CLPTM1: variants seen among roughly 807,000 people sequenced by gnomAD.
The protein encoded by CLPTM1 is putative lipid scramblase CLPTM1.
A neutral mutation model predicts 77.3 loss-of-function variants in CLPTM1; 21 were observed. The observed-to-expected ratio is 0.27, with a 90% CI of 0.19 to 0.39. CLPTM1 has a LOEUF of 0.39. Among genes scored for constraint, CLPTM1 ranks in the 10% least tolerant of loss-of-function variants. The probability of loss-of-function intolerance (pLI) is 1.00; values close to 1 mark genes in which losing one functional copy is unlikely to be tolerated. For missense variants in CLPTM1, 642 were observed against 921.2 expected (o/e 0.70, Z 3.92); for synonymous variants, 373 against 381.0 (o/e 0.98, Z 0.24).
chr19:44,977,133 C>A (rs146162237), intron 4 of CLPTM1, among the ~76,000 whole-genome samples: 3 of 152,132 alleles, frequency 2.0e-5, no homozygotes, highest in Non-Finnish European at 4.4e-5. Context: ...TGAGCTCACA[C>A]GGCCATGGCA....
chr19:44,963,207 C>CAA lies in CLPTM1; in HGVS notation c.185+1152_185+1153dup, dbSNP rs778157562. Among the ~76,000 whole-genome samples the CAA allele has an allele frequency of 6.7e-3, 195 of 29,002 alleles. 3 individuals are homozygous for CAA. Among genetic ancestry groups the CAA allele is most frequent in the African/African-American group, 9.3e-3 (58 of 6,256 alleles). 19.0% of individuals were successfully genotyped at this position (29,002 alleles called of 152,430 possible). A position where few individuals can be genotyped will look rare whatever the true frequency, so the allele number is the denominator to read the frequency against. On this transcript the variant is annotated intron_variant, in intron 2 of 13. Transcript: ENST00000337392. ...CTGGGGACAGAGTGAGACTCCATCTCAAAAAAAAAAAAAAAAAAAAAGCCA... is the reference window on the plus strand; with the variant it reads ...CTGGGGACAGAGTGAGACTCCATCTCAAAAAAAAAAAAAAAAAAAAAAAGCCA...
At chr19:44,971,509 A>G (rs1970717487) in intron 2 of CLPTM1, among the ~76,000 whole-genome samples, 1 of 152,162 alleles carries the variant, frequency 6.6e-6, no homozygotes, top group Non-Finnish European at 1.5e-5. Flanking sequence ...TGCTCTTTCT[A>G]AGCTTCTGTG....
At chr19:44,955,369 GC>G, upstream of CLPTM1, 1 of 1,274,218 alleles carries the variant, frequency 7.8e-7, no homozygotes, top group Non-Finnish European at 1.0e-6. Context: ...GGGGCTGGCG[GC>G]GGGGGCGGGG....
At chr19:44,967,471 C>T (rs1169302157) in intron 2 of CLPTM1, among the ~76,000 whole-genome samples, 1 of 152,012 alleles carries the variant, frequency 6.6e-6, no homozygotes, top group African/African-American at 2.4e-5. Flanking sequence ...CCAGCCTGAC[C>T]AACATGGAGA....
upstream of CLPTM1, chr19:44,955,376 C>CGGGGGGGGG: frequency 9.5e-6 from 6 of 631,182 alleles, no homozygotes; most frequent in Non-Finnish European, 1.2e-5. Flanking sequence ...GCGGCGGGGG[C>CGGGGGGGGG]GGGGACCCGG....
intron 5 of CLPTM1, among the ~76,000 whole-genome samples, chr19:44,978,666 C>T (rs1970843980): frequency 6.6e-6 from 1 of 152,104 alleles, no homozygotes; most frequent in Non-Finnish European, 1.5e-5. Flanking sequence ...ATAAGACTAC[C>T]ACTTCTACTC....
chr19:44,987,135 C>T, intron 7 of CLPTM1, 44 bp from the exon 8 acceptor site: 1 of 1,578,112 alleles, frequency 6.3e-7, no homozygotes, highest in South Asian at 1.2e-5. Context: ...GGTACCCTGG[C>T]CTCCTGCCCG....
intron 2 of CLPTM1, among the ~76,000 whole-genome samples, chr19:44,967,511 G>T (rs920118158): frequency 3.3e-5 from 5 of 152,066 alleles, no homozygotes; most frequent in Admixed American, 1.3e-4. Context: ...TACAAAATTA[G>T]CCGGGCATGG....
upstream of CLPTM1, chr19:44,955,331 G>C (rs891048355): frequency 3.5e-6 from 4 of 1,148,992 alleles, no homozygotes; most frequent in Non-Finnish European, 4.4e-6. Flanking sequence ...AATCTCGCGC[G>C]ATTGCGCTGC....
intron 1 of CLPTM1, among the ~76,000 whole-genome samples, chr19:44,957,662 CTG>C (rs1176301863): frequency 6.6e-6 from 1 of 152,216 alleles, no homozygotes; most frequent in Non-Finnish European, 1.5e-5. Flanking sequence ...AGAGCAGGAA[CTG>C]TGTCTTAGTC....
At position 44,992,839 on chromosome 19, in the gene CLPTM1, C is replaced by T; in HGVS notation, c.1952C>T (p.Ser651Phe). The T allele has an allele frequency of 6.2e-7, 1 of 1,613,808 alleles. No individual in the cohort carries two copies. The highest frequency in any genetic ancestry group is 8.5e-7 in the Non-Finnish European group (1 of 1,179,896). ...ACCAAGCCCACCCAGGGGGCCAGCT[C>T]TGCCAGCGAGCCCCAGGAAGCCCCT... Reference protein sequence around the residue: ...LPTKPTQGASSASEPQEAPPK... With the variant: ...LPTKPTQGASFASEPQEAPPK... The change falls in exon 14 of 14, where the codon TCT becomes TTT. Residue 651 changes from serine (S) to phenylalanine (F), a missense_variant. Ser to Phe is a radical substitution (Grantham distance 155). Transcript: ENST00000337392. This position sits in a 1 kb window ranked among gnomAD's most constrained non-coding sequence, Gnocchi z 7.7.
At chr19:44,980,957 C>T (rs999913476) in intron 5 of CLPTM1, among the ~76,000 whole-genome samples, 6 of 151,850 alleles carry the variant, frequency 4.0e-5, no homozygotes, top group African/African-American at 1.4e-4. Context: ...CCTGCCTCAG[C>T]CTCCTGAGTA....
intron 2 of CLPTM1, among the ~76,000 whole-genome samples, chr19:44,967,162 C>A (rs1970645866): frequency 6.6e-6 from 1 of 150,768 alleles, no homozygotes; most frequent in South Asian, 2.2e-4. Flanking sequence ...CTGTAAAAAA[C>A]TAAAAAATTA....
intron 5 of CLPTM1, among the ~76,000 whole-genome samples, chr19:44,980,872 C>G (rs1970884856): frequency 6.6e-6 from 1 of 151,376 alleles, no homozygotes; most frequent in Non-Finnish European, 1.5e-5. Flanking sequence ...AAGTCTTGCT[C>G]TGTTGCCCAG....
At chr19:44,959,136 T>C (rs1433846936) in intron 1 of CLPTM1, among the ~76,000 whole-genome samples, 1 of 152,230 alleles carries the variant, frequency 6.6e-6, no homozygotes, top group African/African-American at 2.4e-5. Context: ...GAAGGATATT[T>C]GGATTGTTTT....
intron 4 of CLPTM1, among the ~76,000 whole-genome samples, chr19:44,975,754 A>G (rs1354428716): frequency 1.3e-5 from 2 of 151,962 alleles, no homozygotes; most frequent in Non-Finnish European, 2.9e-5. Context: ...AGTAGAGACA[A>G]GGTTTCACTA....
At chr19:44,958,022 G>C (rs1001741634) in intron 1 of CLPTM1, among the ~76,000 whole-genome samples, 2 of 152,178 alleles carry the variant, frequency 1.3e-5, no homozygotes, top group Non-Finnish European at 2.9e-5. Flanking sequence ...AGATGGCTCT[G>C]CGTGCCATGG....
At chr19:44,961,863 C>A in intron 1 of CLPTM1, 100 bp from the exon 2 acceptor site, 1 of 659,276 alleles carries the variant, frequency 1.5e-6, no homozygotes, top group East Asian at 3.0e-5. Context: ...GATAAGCACC[C>A]ACTCTTTGCC....
At position 44,974,608 on chromosome 19, in the gene CLPTM1, C is replaced by T. The variant is rs373730121; in HGVS notation, c.468+11C>T. The T allele has an allele frequency of 1.9e-6, 3 of 1,610,718 alleles. No individual in the cohort carries two copies. The highest frequency in any genetic ancestry group is 2.5e-6 in the Non-Finnish European group (3 of 1,177,744). ...CTCGATATCCCACAGGTGGGGGCAG[C>T]TCTCGGTTTCTGGCCCCATGGCTGC... On this transcript the variant is annotated intron_variant, in intron 4 of 13. Transcript: ENST00000337392.
Sources: allele counts gnomAD v4.1 joint callset (sites outside exome capture counted in the v4.1 genomes callset), GRCh38; gene constraint gnomAD v4.1.1; non-coding constraint Gnocchi (gnomAD v3.1); transcripts MANE v1.5; gene names NCBI Gene and HGNC (gene_info 2026-07-23, HGNC 2026-07-21).